The following LRMDA variants were observed in gnomAD, a reference collection of about 807,000 sequenced individuals.
LRMDA encodes the protein leucine-rich melanocyte differentiation-associated protein.
Under a neutral mutation model 29.8 loss-of-function variants are expected in LRMDA, and 18 were observed. The observed-to-expected ratio is 0.60, with a 90% CI of 0.42 to 0.90. The LOEUF (loss-of-function observed/expected upper bound fraction) is 0.90, where lower values mean the gene tolerates loss of function less well. Among genes scored for constraint, LRMDA ranks in the 40% least tolerant of loss-of-function variants. The pLI, the probability that LRMDA is intolerant of heterozygous loss-of-function variation, is 0.00. For synonymous variants in LRMDA, 125 were observed against 109.4 expected (o/e 1.14, Z -0.89); for missense variants, 273 against 273.9 (o/e 1.00, Z 0.02).
chr10:75,750,876 C>T (rs1165200986), intron 2 of LRMDA, among the ~76,000 whole-genome samples: 5 of 152,048 alleles, frequency 3.3e-5, no homozygotes, highest in East Asian at 1.9e-4. Flanking sequence ...AGATGATGGG[C>T]GGCCAGGCAG....
chr10:76,261,362 G>A (rs1380529160), intron 5 of LRMDA, among the ~76,000 whole-genome samples: 2 of 151,778 alleles, frequency 1.3e-5, no homozygotes, highest in Non-Finnish European at 2.9e-5. Flanking sequence ...GTGAGCTACT[G>A]CGCCCGGCTG....
chr10:75,465,095 CTT>C (rs1389335270), intron 2 of LRMDA, among the ~76,000 whole-genome samples: 1 of 152,128 alleles, frequency 6.6e-6, no homozygotes, highest in Non-Finnish European at 1.5e-5. Context: ...GTGGAGGAAA[CTT>C]TAATTTTGTT....
At chr10:75,988,130 G>A (rs1398578370) in intron 2 of LRMDA, among the ~76,000 whole-genome samples, 4 of 152,164 alleles carry the variant, frequency 2.6e-5, no homozygotes, top group African/African-American at 9.7e-5. Context: ...TGCCACTTGC[G>A]CTGACACCAA....
At chr10:76,009,293 A>G (rs1847730561) in intron 2 of LRMDA, among the ~76,000 whole-genome samples, 1 of 152,166 alleles carries the variant, frequency 6.6e-6, no homozygotes, top group East Asian at 1.9e-4. Flanking sequence ...TCACTACACT[A>G]AGATGCATCC....
At chr10:76,376,331 T>C (rs575498655) in intron 6 of LRMDA, among the ~76,000 whole-genome samples, 35 of 152,256 alleles carry the variant, frequency 2.3e-4, no homozygotes, top group African/African-American at 8.4e-4. Context: ...ATTTCATTCA[T>C]TTTAGGGCTA....
At chr10:76,461,561 T>G (rs1218778800) in intron 6 of LRMDA, among the ~76,000 whole-genome samples, 6 of 152,140 alleles carry the variant, frequency 3.9e-5, no homozygotes, top group African/African-American at 1.4e-4. Context: ...TCTAGAACCA[T>G]AAATTTGTTT....
chr10:75,758,337 G>C (rs1329648567), intron 2 of LRMDA, among the ~76,000 whole-genome samples: 2 of 152,204 alleles, frequency 1.3e-5, no homozygotes, highest in Admixed American at 1.3e-4. Context: ...CCAGTCTCCT[G>C]CCCACTGTGA....
intron 2 of LRMDA, among the ~76,000 whole-genome samples, chr10:75,859,195 C>T (rs1697653611): frequency 6.6e-6 from 1 of 152,118 alleles, no homozygotes; most frequent in East Asian, 1.9e-4. Flanking sequence ...GCCTTTTGTG[C>T]ATATGTACAG....
intron 5 of LRMDA, among the ~76,000 whole-genome samples, chr10:76,169,633 A>G (rs1850799630): frequency 6.6e-6 from 1 of 152,200 alleles, no homozygotes. Context: ...AATCTCTGTA[A>G]TAAGCCCATA....
intron 5 of LRMDA, among the ~76,000 whole-genome samples, chr10:76,292,360 G>C (rs1840352631): frequency 6.6e-6 from 1 of 152,182 alleles, no homozygotes; most frequent in South Asian, 2.1e-4. Context: ...CACAGAGCTG[G>C]GTGGTGACGG....
intron 2 of LRMDA, among the ~76,000 whole-genome samples, chr10:75,687,171 C>T (rs550192708): frequency 6.6e-6 from 1 of 152,304 alleles, no homozygotes; most frequent in African/African-American, 2.4e-5. Context: ...AAGTCACATA[C>T]CTCTCACTTT....
chr10:75,914,593 T>A (rs1845899170), intron 2 of LRMDA, among the ~76,000 whole-genome samples: 1 of 152,208 alleles, frequency 6.6e-6, no homozygotes, highest in Non-Finnish European at 1.5e-5. Flanking sequence ...TGATAGAAGA[T>A]CTATTGGTTC....
intron 2 of LRMDA, among the ~76,000 whole-genome samples, chr10:75,690,982 T>A (rs192048866): frequency 0.046 from 4,307 of 92,752 alleles, 273 homozygotes; most frequent in African/African-American, 0.15. Flanking sequence ...AAAAAAAATA[T>A]ATATATATAT....
chr10:75,751,792 G>C (rs764768336), intron 2 of LRMDA, among the ~76,000 whole-genome samples: 1 of 151,990 alleles, frequency 6.6e-6, no homozygotes, highest in African/African-American at 2.4e-5. Flanking sequence ...TGGGTCACAC[G>C]TACTGATTTT....
At chr10:76,080,486 A>C (rs946574065) in intron 5 of LRMDA, among the ~76,000 whole-genome samples, 1 of 152,146 alleles carries the variant, frequency 6.6e-6, no homozygotes, top group Non-Finnish European at 1.5e-5. Context: ...ATGCACCAGC[A>C]CTCAGTTCTC....
In LRMDA at chr10:76,036,128, G is replaced by A. The variant is rs753147437; in HGVS notation, c.252G>A (p.Lys84=). 23 of 1,613,458 alleles carry A rather than the reference G, an allele frequency of 1.4e-5. No individual in the cohort carries two copies. In the Admixed American group the frequency reaches 3.8e-4, roughly 27 times the overall value. Residue 84 remains lysine (K), a synonymous_variant, in exon 3 of 7, where the codon AAG becomes AAA. Coordinates refer to ENST00000611255, the MANE Select transcript of LRMDA (RefSeq NM_001305581.2). ...GACTGCATACCTTAACCCTCAACAA[G>A]AACCGAATATCCTTTCCTCTGCCCG... is the stretch of plus-strand genomic sequence containing the variant. ...LPRLHTLTLN[K]NRITDLENLL...
chr10:75,562,673 G>A (rs970978440), intron 2 of LRMDA, among the ~76,000 whole-genome samples: 3 of 152,114 alleles, frequency 2.0e-5, no homozygotes, highest in Admixed American at 6.5e-5. Context: ...GGTACCGGTT[G>A]TTCTTTTCCA....
At position 75,683,308 on chromosome 10, in the gene LRMDA, G is replaced by A. The variant is rs553440210; in HGVS notation, c.131+244814G>A. 5.8e-4 allele frequency among the ~76,000 whole-genome samples: 89 copies of A among 152,246 alleles called. 1 individual carries two copies. The highest frequency in any genetic ancestry group is 3.4e-3 in the Middle Eastern group (1 of 294). On this transcript the variant is annotated intron_variant, in intron 2 of 6. Transcript: ENST00000611255. The stretch of plus-strand genomic sequence containing the variant: ...GAGCACAAAGGGAAACATGTAGATC[G>A]TCTCAGCGTCAGTTAGACACGCTTG...
At chr10:75,955,551 G>C (rs890153962) in intron 2 of LRMDA, among the ~76,000 whole-genome samples, 2 of 152,162 alleles carry the variant, frequency 1.3e-5, no homozygotes, top group Non-Finnish European at 2.9e-5. Flanking sequence ...CATTTTCATG[G>C]CATCTTTACC....
Sources: allele counts gnomAD v4.1 joint callset (sites outside exome capture counted in the v4.1 genomes callset), GRCh38; gene constraint gnomAD v4.1.1; transcripts MANE v1.5; gene names NCBI Gene and HGNC (gene_info 2026-07-23, HGNC 2026-07-21).